The following BAIAP2 variants were observed in gnomAD, a reference collection of about 807,000 sequenced individuals.
BAIAP2 encodes the protein BAR/IMD domain containing adaptor protein 2, also known as BAR/IMD domain-containing adapter protein 2.
BAIAP2 carries 18 observed loss-of-function variants against 63.0 expected under a neutral mutation model. The observed-to-expected ratio is 0.29, with a 90% CI of 0.20 to 0.42. BAIAP2 has a LOEUF of 0.42. BAIAP2 is among the 10% of genes least tolerant of loss of function. The probability of loss-of-function intolerance (pLI) is 1.00; values close to 1 mark genes in which losing one functional copy is unlikely to be tolerated. For missense variants in BAIAP2, 610 were observed against 734.3 expected (o/e 0.83, Z 1.96); for synonymous variants, 386 against 307.6 (o/e 1.25, Z -2.67).
At chr17:81,041,999 T>A (rs2047141548) in intron 1 of BAIAP2, among the ~76,000 whole-genome samples, 1 of 152,224 alleles carries the variant, frequency 6.6e-6, no homozygotes, top group African/African-American at 2.4e-5. Context: ...GGGCTGTCAG[T>A]GTGCTTGTCC....
chr17:81,108,756 G>A, intron 13 of BAIAP2: 1 of 913,938 alleles, frequency 1.1e-6, no homozygotes, highest in Non-Finnish European at 1.6e-6. Flanking sequence ...TGTCAGGCAA[G>A]GTTGGGGAGG....
chr17:81,113,769 A>G (rs564561900), intron 13 of BAIAP2, among the ~76,000 whole-genome samples: 4 of 152,096 alleles, frequency 2.6e-5, no homozygotes, highest in Admixed American at 6.5e-5. Flanking sequence ...CAGGTTAGAG[A>G]ACAGGCCTGC....
intron 1 of BAIAP2, among the ~76,000 whole-genome samples, chr17:81,039,917 A>T (rs937609990): frequency 1.3e-5 from 2 of 152,086 alleles, no homozygotes; most frequent in African/African-American, 4.8e-5. Flanking sequence ...AGCCCGGTTC[A>T]CCCTTCTCCC....
chr17:81,074,736 A>G (rs1416451372), intron 3 of BAIAP2, among the ~76,000 whole-genome samples: 1 of 149,756 alleles, frequency 6.7e-6, no homozygotes, highest in Non-Finnish European at 1.5e-5. Context: ...GCGTGCACAG[A>G]TGCGTGTGAG....
Position 81,065,741 on chromosome 17 carries a change from A to C in BAIAP2, c.217+7774A>C, listed in dbSNP as rs569483411. Among the ~76,000 whole-genome samples the C allele has an allele frequency of 4.6e-5, 7 of 152,362 alleles. No homozygotes were observed. The East Asian group carries it at 1.4e-3, about 29-fold the overall frequency. ...GAGAGGCAGATGGGAGGAGCAGGCC[A>C]GAGTCCCAGTGACCTGGGGTCCTGG... On this transcript the variant is annotated intron_variant, in intron 3 of 13. Transcript: ENST00000428708.
chr17:81,040,161 T>C (rs1274581562), intron 1 of BAIAP2, among the ~76,000 whole-genome samples: 2 of 152,208 alleles, frequency 1.3e-5, no homozygotes, highest in African/African-American at 4.8e-5. Context: ...CTCCTGTCCT[T>C]CCTTACATTG....
chr17:81,056,348 G>T (rs557917965), intron 2 of BAIAP2: 2 of 150,054 alleles, frequency 1.3e-5, no homozygotes, highest in Admixed American at 1.3e-4. Context: ...TCCCACCCCT[G>T]GAGATGGGGG....
chr17:81,035,406 CGCG>C, intron 1 of BAIAP2, 98 bp downstream of exon 1: 1 of 670,792 alleles, frequency 1.5e-6, no homozygotes, highest in Non-Finnish European at 1.9e-6. Flanking sequence ...CCCGGGGCCG[CGCG>C]CCGGGCCAGG....
chr17:81,036,875 A>G (rs1371954609), intron 1 of BAIAP2: 2 of 1,535,890 alleles, frequency 1.3e-6, no homozygotes, highest in Non-Finnish European at 1.7e-6. Context: ...GGTGGAAGAG[A>G]AGTACCAGCG....
At position 81,068,752 on chromosome 17, in the gene BAIAP2, C is replaced by T. The variant is rs576069440; in HGVS notation, c.217+10785C>T. Among the ~76,000 whole-genome samples, 5 of 152,290 alleles carry T rather than the reference C, an allele frequency of 3.3e-5. No homozygotes were observed. The South Asian group carries it at 8.3e-4, about 25-fold the overall frequency. On this transcript the variant is annotated intron_variant, in intron 3 of 13. Coordinates refer to ENST00000428708, the MANE Select transcript of BAIAP2 (RefSeq NM_001144888.2). ...GTGACATGAAGTCCTGCGGGAGGGC[C>T]TGGGGGGACTCCGGTCCCAGGGAGG... is the stretch of plus-strand genomic sequence containing the variant.
chr17:81,065,137 G>A (rs1216318295), intron 3 of BAIAP2, among the ~76,000 whole-genome samples: 2 of 152,206 alleles, frequency 1.3e-5, no homozygotes, highest in Non-Finnish European at 2.9e-5. Flanking sequence ...TTGTGCTTGG[G>A]TTGACTGGCA....
At chr17:81,048,065 G>A (rs563494384) in intron 1 of BAIAP2, among the ~76,000 whole-genome samples, 80 of 152,362 alleles carry the variant, frequency 5.3e-4, no homozygotes, top group Non-Finnish European at 1.0e-3. Context: ...GGCGGCCAGC[G>A]TCACAGGAAG....
chr17:81,085,178 T>A (rs2055354178), intron 4 of BAIAP2: 1 of 538,884 alleles, frequency 1.9e-6, no homozygotes. Flanking sequence ...ACCCCACTCC[T>A]GGGGTTCACA....
intron 7 of BAIAP2, 110 bp from the exon 8 acceptor site, chr17:81,103,392 A>G (rs1425410212): frequency 1.9e-6 from 2 of 1,050,220 alleles, no homozygotes; most frequent in Admixed American, 2.6e-5. Context: ...CACCTGGTGA[A>G]GAGCAGCCTC....
intron 1 of BAIAP2, among the ~76,000 whole-genome samples, chr17:81,037,958 GTCCTCGGGGAAT>G (rs2046514219): frequency 6.6e-6 from 1 of 152,276 alleles, no homozygotes; most frequent in Admixed American, 6.5e-5. Flanking sequence ...TGGGAGCTGT[GTCCTCGGGGAAT>G]TTCATGGAAG....
chr17:81,057,839 C>T (rs769915809), intron 2 of BAIAP2, 42 bp from the exon 3 acceptor site: 1 of 1,592,710 alleles, frequency 6.3e-7, no homozygotes, highest in African/African-American at 1.3e-5. Flanking sequence ...TCTTGTCTGT[C>T]CCTCGTGGAG....
rs1217544191 is a variant in BAIAP2, at chr17:81,116,697, G to A, written c.*858G>A. On this transcript the variant is annotated 3_prime_UTR_variant, in exon 14 of 14. Coordinates refer to ENST00000428708, the MANE Select transcript of BAIAP2 (RefSeq NM_001144888.2). ...GCACTGGGGAGCTCTGCTGGAATTGGGGGTTTTAAAACTTCATTAGCAGAT... is the reference window on the plus strand; with the variant it reads ...GCACTGGGGAGCTCTGCTGGAATTGAGGGTTTTAAAACTTCATTAGCAGAT... 1 of 267,730 alleles carries A rather than the reference G, an allele frequency of 3.7e-6. No individual in the cohort carries two copies. The highest frequency in any genetic ancestry group is 2.2e-5 in the African/African-American group (1 of 46,348). 16.6% of individuals were successfully genotyped at this position (267,730 alleles called of 1,614,324 possible).
chr17:81,105,984 G>A (rs1196387058), intron 10 of BAIAP2, 94 bp from the exon 11 acceptor site: 1 of 1,107,188 alleles, frequency 9.0e-7, no homozygotes, highest in Non-Finnish European at 1.3e-6. Context: ...CAGCCATGCT[G>A]GGGAGCTAGA....
chr17:81,093,109 CTGGGCTGGGCTGGGCTGGG>C (rs2057069309), intron 6 of BAIAP2, among the ~76,000 whole-genome samples: 1 of 118,084 alleles, frequency 8.5e-6, no homozygotes, highest in African/African-American at 3.0e-5. Context: ...CTGGGCTGGG[CTGGGCTGGGCTGGGCTGGG>C]CTGTGGGCAC....
Sources: gnomAD v4.1 joint callset for allele counts (sites outside exome capture counted in the v4.1 genomes callset) on GRCh38, gnomAD v4.1.1 for gene constraint, MANE v1.5 for transcripts, NCBI Gene and HGNC (gene_info 2026-07-23, HGNC 2026-07-21) for gene names.